Variants in SNCAIP observed in about 807,000 individuals in gnomAD.
The protein encoded by SNCAIP is synphilin-1.
In SNCAIP, 43 loss-of-function variants were observed where a neutral mutation model predicts 86.7. The ratio of observed to expected loss-of-function variants is 0.50; its 90% CI spans 0.39 to 0.64. The LOEUF (loss-of-function observed/expected upper bound fraction) is 0.64. Ranked by LOEUF, SNCAIP falls within the 30% of genes least tolerant of loss-of-function variation. The probability of loss-of-function intolerance (pLI) is 0.00; values close to 1 mark genes in which losing one functional copy is unlikely to be tolerated. For synonymous variants in SNCAIP, 417 were observed against 427.2 expected, an observed-to-expected ratio of 0.98 and a Z score of 0.29; for missense variants, 981 against 1,103.1, an observed-to-expected ratio of 0.89 and a Z score of 1.57.
At chr5:122,375,580 G>T in intron 1 of SNCAIP, among the ~76,000 whole-genome samples, 1 of 151,018 alleles carries the variant, frequency 6.6e-6, no homozygotes, top group East Asian at 2.0e-4. Flanking sequence ...TAAAAAGGCT[G>T]CATTGAAAAT....
At chr5:122,386,245 A>G (rs1160734532) in intron 1 of SNCAIP, among the ~76,000 whole-genome samples, 1 of 152,212 alleles carries the variant, frequency 6.6e-6, no homozygotes, top group Non-Finnish European at 1.5e-5. Context: ...CCTGAATATC[A>G]TAATACGGGG....
At chr5:122,325,355 C>A (rs558585035) in intron 1 of SNCAIP, among the ~76,000 whole-genome samples, 2 of 152,220 alleles carry the variant, frequency 1.3e-5, no homozygotes, top group South Asian at 2.1e-4. Context: ...CCCTGGGCTC[C>A]CATCTTACCA....
chr5:122,364,941 T>C (rs1268797033), intron 1 of SNCAIP, among the ~76,000 whole-genome samples: 1 of 152,176 alleles, frequency 6.6e-6, no homozygotes, highest in African/African-American at 2.4e-5. Context: ...AGTGCCTTTT[T>C]CCAGTGAAAG....
At chr5:122,444,097 C>A (rs1312542069) in intron 7 of SNCAIP, 2 of 457,292 alleles carry the variant, frequency 4.4e-6, no homozygotes, top group Admixed American at 4.7e-5. Context: ...TCTTTTTATT[C>A]CTGATCAGGT....
Position 122,319,785 on chromosome 5 carries a change from G to A in SNCAIP, c.-47+7501G>A, listed in dbSNP as rs543378758. On this transcript the variant is annotated intron_variant, in intron 1 of 10. Transcript: ENST00000261368. ...TGTAACCATTTATTCAGTGTTTACC[G>A]GATGCCAGCCCTTTTTGAAAGGTAC... Among the ~76,000 whole-genome samples the A allele has an allele frequency of 6.6e-5, 10 of 152,288 alleles. No homozygotes were observed. In the East Asian group the frequency reaches 9.6e-4, roughly 15 times the overall value.
chr5:122,463,354 C>G (rs191759626), intron 10 of SNCAIP, 137 bp from the exon 11 acceptor site: 369 of 653,126 alleles, frequency 5.6e-4, no homozygotes, highest in African/African-American at 2.6e-3. Context: ...GAATAATTTG[C>G]GTATTGGAAT....
At chr5:122,317,571 T>A (rs190102085) in intron 1 of SNCAIP, among the ~76,000 whole-genome samples, 1 of 152,244 alleles carries the variant, frequency 6.6e-6, no homozygotes, top group Admixed American at 6.5e-5. Context: ...GAGAGTGGTA[T>A]GTGTGACGGC....
intron 10 of SNCAIP, among the ~76,000 whole-genome samples, chr5:122,455,404 G>A (rs995743538): frequency 2.0e-5 from 3 of 152,174 alleles, no homozygotes; most frequent in Non-Finnish European, 2.9e-5. Context: ...ACTGCAAGAA[G>A]GAAAGGAACT....
intron 1 of SNCAIP, among the ~76,000 whole-genome samples, chr5:122,382,796 C>G (rs1767154961): frequency 6.6e-6 from 1 of 152,178 alleles, no homozygotes; most frequent in African/African-American, 2.4e-5. Flanking sequence ...GTTGGAATAC[C>G]CTGCCGTGTG....
At chr5:122,354,719 A>G (rs1367977764) in intron 1 of SNCAIP, among the ~76,000 whole-genome samples, 2 of 152,240 alleles carry the variant, frequency 1.3e-5, no homozygotes, top group Admixed American at 6.5e-5. Context: ...GCAAAAACAC[A>G]AACTAATCAA....
chr5:122,343,065 G>T (rs950769952), intron 1 of SNCAIP, among the ~76,000 whole-genome samples: 3 of 152,066 alleles, frequency 2.0e-5, no homozygotes, highest in Admixed American at 2.0e-4. Flanking sequence ...AATAGTTTTG[G>T]CAAATATGTT....
chr5:122,414,267 G>T (rs930572591), intron 3 of SNCAIP, among the ~76,000 whole-genome samples: 118 of 144,144 alleles, frequency 8.2e-4, no homozygotes, highest in African/African-American at 2.9e-3. Flanking sequence ...GTCTTGCTCT[G>T]TTGCCCAGGC....
chr5:122,431,274 C>A (rs1778361918), intron 5 of SNCAIP, among the ~76,000 whole-genome samples: 2 of 152,098 alleles, frequency 1.3e-5, no homozygotes, highest in African/African-American at 4.8e-5. Context: ...GAAATAAAAG[C>A]ATGTATTCAC....
At chr5:122,460,206 C>G (rs1785824013) in intron 10 of SNCAIP, among the ~76,000 whole-genome samples, 1 of 151,790 alleles carries the variant, frequency 6.6e-6, no homozygotes, top group African/African-American at 2.4e-5. Flanking sequence ...ACAGCATCCT[C>G]TAACTTCTGG....
intron 6 of SNCAIP, among the ~76,000 whole-genome samples, chr5:122,439,157 G>A (rs373934323): frequency 1.3e-4 from 20 of 152,340 alleles, no homozygotes; most frequent in Middle Eastern, 6.8e-3. Context: ...ATCACCTGCT[G>A]TGGTCCAAAC....
rs144538515 is a variant in SNCAIP at position 122,417,853 on chromosome 5, A to G, written c.131-5015A>G. On this transcript the variant is annotated intron_variant, in intron 3 of 10. Transcript: ENST00000261368. ...ATAAACACAAGTTGGTTCTCAGGCTATCTTTGCCCTTGAGGGGTTCTCAGG... is the reference window on the plus strand; with the variant it reads ...ATAAACACAAGTTGGTTCTCAGGCTGTCTTTGCCCTTGAGGGGTTCTCAGG... Among the ~76,000 whole-genome samples the G allele has an allele frequency of 7.9e-3, 1,198 of 152,312 alleles. 15 individuals are homozygous for G. Among genetic ancestry groups the G allele is most frequent in the African/African-American group, 0.028 (1,151 of 41,572 alleles).
chr5:122,316,999 A>G (rs573219138), intron 1 of SNCAIP, among the ~76,000 whole-genome samples: 1 of 152,308 alleles, frequency 6.6e-6, no homozygotes, highest in African/African-American at 2.4e-5. Context: ...ACCCCTGAAG[A>G]CACTCAATAA....
chr5:122,390,910 G>T (rs938694211), intron 1 of SNCAIP, among the ~76,000 whole-genome samples, 179 bp from the exon 2 acceptor site: 1 of 152,170 alleles, frequency 6.6e-6, no homozygotes, highest in South Asian at 2.1e-4. Context: ...CCATGGAGAC[G>T]CTGTGTTTGC....
At position 122,451,144 on chromosome 5, in the gene SNCAIP, C is replaced by T. The variant is rs1027952226; in HGVS notation, c.2297C>T (p.Ser766Leu). Residue 766 changes from serine (S) to leucine (L), a missense_variant, in exon 10 of 11, where the codon TCA becomes TTA. By Grantham distance (145) the Ser-to-Leu change is moderately radical. Coordinates refer to ENST00000261368, the MANE Select transcript of SNCAIP (RefSeq NM_005460.4). Reference protein sequence around the residue: ...EPDLESQYPGSGSIPPNQPSG... With the variant: ...EPDLESQYPGLGSIPPNQPSG... ...GACTTAGAATCCCAGTATCCAGGCT[C>T]AGGGAGTATTCCTCCAAACCAGCCC... 4.3e-6 allele frequency: 7 copies of T among 1,614,054 alleles called. No homozygotes were observed. The Admixed American group carries it at 6.7e-5, about 15-fold the overall frequency.
Sources: allele counts gnomAD v4.1 joint callset (sites outside exome capture counted in the v4.1 genomes callset), GRCh38; gene constraint gnomAD v4.1.1; transcripts MANE v1.5; gene names NCBI Gene and HGNC (gene_info 2026-07-23, HGNC 2026-07-21).